Variants in INPP5A observed in about 807,000 individuals in gnomAD.
The protein encoded by INPP5A is 43 kDa inositol polyphosphate 5-phophatase.
A neutral mutation model predicts 65.2 loss-of-function variants in INPP5A; 14 were observed. That is an observed-to-expected ratio of 0.21 (90% CI 0.14 to 0.34). The LOEUF is 0.34. INPP5A is among the 10% of genes least tolerant of loss of function. The probability of loss-of-function intolerance (pLI) is 1.00; values close to 1 mark genes in which losing one functional copy is unlikely to be tolerated. For synonymous variants in INPP5A, 207 were observed against 208.3 expected, an observed-to-expected ratio of 0.99 and a Z score of 0.05; for missense variants, 431 against 545.6, an observed-to-expected ratio of 0.79 and a Z score of 2.09.
chr10:132,617,852 T>C (rs2072061206), intron 2 of INPP5A, among the ~76,000 whole-genome samples: 1 of 152,252 alleles, frequency 6.6e-6, no homozygotes, highest in African/African-American at 2.4e-5. Context: ...AGGTGTGCAG[T>C]CCACAAGTGG....
intron 12 of INPP5A, among the ~76,000 whole-genome samples, chr10:132,774,649 T>A (rs1157281177): frequency 6.6e-6 from 1 of 152,054 alleles, no homozygotes. Flanking sequence ...GCTTGTTGTC[T>A]GCTTCTCGGG....
intron 1 of INPP5A, among the ~76,000 whole-genome samples, chr10:132,588,772 C>T (rs1449980525): frequency 2.6e-5 from 4 of 151,292 alleles, no homozygotes; most frequent in African/African-American, 9.7e-5. Flanking sequence ...CGGTGGTTGC[C>T]GTTTCTTGGA....
Position 132,659,935 on chromosome 10 carries a change from C to T in INPP5A, c.306+9430C>T, listed in dbSNP as rs1159712901. ...CTCCTGACACATGACATGTGACATA[C>T]AACACATGACACGCGGCATACTCCC... On this transcript the variant is annotated intron_variant, in intron 4 of 15. Transcript: ENST00000368594. This position sits in a 1 kb window ranked among gnomAD's most constrained non-coding sequence, Gnocchi z 5.5. Among the ~76,000 whole-genome samples, 2 of 152,262 alleles carry T rather than the reference C, an allele frequency of 1.3e-5. No homozygotes were observed. The highest frequency in any genetic ancestry group is 3.8e-4 in the East Asian group (2 of 5,202).
rs184792262 is a variant in INPP5A, at chr10:132,637,563, C to A, written c.118-8305C>A. Among the ~76,000 whole-genome samples, 4 of 152,208 alleles carry A rather than the reference C, an allele frequency of 2.6e-5. No homozygotes were observed. The East Asian group carries it at 7.7e-4, about 29-fold the overall frequency. ...TTTCTCTCACGCTGTTTTCTCTGTG[C>A]GATTTTGCTTTCTCAGTGGATTTTT... On this transcript the variant is annotated intron_variant, in intron 2 of 15. Coordinates refer to ENST00000368594, the MANE Select transcript of INPP5A (RefSeq NM_005539.5). This position sits in a 1 kb window ranked among gnomAD's most constrained non-coding sequence, Gnocchi z 4.1.
chr10:132,554,849 TGTG>T (rs2071105639), intron 1 of INPP5A, among the ~76,000 whole-genome samples: 8 of 130,354 alleles, frequency 6.1e-5, no homozygotes, highest in Admixed American at 3.2e-4. Flanking sequence ...GTGTGGGTGG[TGTG>T]ATCAATGTGG....
chr10:132,563,960 C>T (rs995593145), intron 1 of INPP5A, among the ~76,000 whole-genome samples: 7 of 152,170 alleles, frequency 4.6e-5, no homozygotes, highest in African/African-American at 1.7e-4. Context: ...CAAAGTCGTC[C>T]TGGTTCATAC....
At chr10:132,655,423 C>T (rs370977615) in intron 4 of INPP5A, among the ~76,000 whole-genome samples, 4 of 152,338 alleles carry the variant, frequency 2.6e-5, no homozygotes, top group East Asian at 1.9e-4. Flanking sequence ...GAGGCTTTCC[C>T]GGGCTGCCAA....
chr10:132,594,449 GT>G (rs2071658552), intron 1 of INPP5A, among the ~76,000 whole-genome samples: 2 of 152,210 alleles, frequency 1.3e-5, no homozygotes, highest in Admixed American at 1.3e-4. Flanking sequence ...GGCCTAGGTG[GT>G]TTTTGAACGT....
chr10:132,777,183 A>G (rs1847079228), intron 12 of INPP5A, among the ~76,000 whole-genome samples: 1 of 152,158 alleles, frequency 6.6e-6, no homozygotes, highest in Non-Finnish European at 1.5e-5. Context: ...CAGCCTGAGC[A>G]CCTGGATGCT....
intron 2 of INPP5A, among the ~76,000 whole-genome samples, chr10:132,634,129 C>T (rs892893839): frequency 4.6e-5 from 7 of 152,252 alleles, no homozygotes; most frequent in African/African-American, 1.7e-4. Context: ...TCTCAGTTGT[C>T]TCATAATTGT....
chr10:132,567,335 G>C (rs1402837652), intron 1 of INPP5A, among the ~76,000 whole-genome samples: 1 of 152,208 alleles, frequency 6.6e-6, no homozygotes, highest in Non-Finnish European at 1.5e-5. Flanking sequence ...TTTTTGAGAT[G>C]GGGGCTCACT....
intron 4 of INPP5A, among the ~76,000 whole-genome samples, chr10:132,654,846 G>A (rs1013998840): frequency 1.3e-5 from 2 of 152,244 alleles, no homozygotes; most frequent in East Asian, 3.9e-4. Context: ...CCTGTGGGGG[G>A]GACGCGGCTG....
In INPP5A at chr10:132,669,713, C is replaced by T. The variant is rs73385106; in HGVS notation, c.306+19208C>T. Among the ~76,000 whole-genome samples the T allele has an allele frequency of 5.7e-3, 861 of 152,274 alleles. 7 individuals carry two copies. The highest frequency in any genetic ancestry group is 0.02 in the African/African-American group (812 of 41,526). On this transcript the variant is annotated intron_variant, in intron 4 of 15. Coordinates refer to ENST00000368594, the MANE Select transcript of INPP5A (RefSeq NM_005539.5). ...GTGCCCCATGGGCAGAGAGGGCGGG[C>T]GCGGTTCGTGCTGGACTCTAGATGT...
rs959717725 is a variant in INPP5A at position 132,550,428 on chromosome 10, G to T, written c.75+12257G>T. Among the ~76,000 whole-genome samples the T allele has an allele frequency of 6.6e-6, 1 of 152,180 alleles. No homozygotes were observed. The highest frequency in any genetic ancestry group is 1.5e-5 in the Non-Finnish European group (1 of 68,026). ...AACTCTGAGGTTCTGCATAGCTAGT[G>T]CCACCTGTGACACTGCTGTCACTCC... On this transcript the variant is annotated intron_variant, in intron 1 of 15. Coordinates refer to ENST00000368594, the MANE Select transcript of INPP5A (RefSeq NM_005539.5). The surrounding 1 kb of genome is among the most constrained non-coding windows in gnomAD (Gnocchi z 4.2).
chr10:132,563,665 T>A (rs750768723), intron 1 of INPP5A, among the ~76,000 whole-genome samples: 1 of 151,576 alleles, frequency 6.6e-6, no homozygotes, highest in African/African-American at 2.4e-5. Context: ...ACAGAAAAAT[T>A]AAAGGAAAGA....
chr10:132,646,916 C>A (rs1178165737), intron 3 of INPP5A, among the ~76,000 whole-genome samples: 1 of 152,198 alleles, frequency 6.6e-6, no homozygotes, highest in Non-Finnish European at 1.5e-5. Context: ...GCAGAGCCGT[C>A]GAGCCCTCCC....
intron 4 of INPP5A, among the ~76,000 whole-genome samples, chr10:132,683,617 A>G (rs529730500): frequency 6.6e-6 from 1 of 152,364 alleles, no homozygotes; most frequent in Admixed American, 6.5e-5. Context: ...GCTCAGTAAC[A>G]CCATGCAGGG....
intron 8 of INPP5A, among the ~76,000 whole-genome samples, chr10:132,718,821 G>A (rs1845798726): frequency 6.7e-6 from 1 of 149,754 alleles, no homozygotes; most frequent in Admixed American, 6.7e-5. Context: ...TGTCTTGCGG[G>A]TTCTGTGGTA....
chr10:132,681,874 C>T (rs1396916598), intron 4 of INPP5A, among the ~76,000 whole-genome samples: 1 of 152,208 alleles, frequency 6.6e-6, no homozygotes, highest in African/African-American at 2.4e-5. Context: ...GAAAGAAATT[C>T]TGGCAAGCAC....
Sources: gnomAD v4.1 joint callset for allele counts (sites outside exome capture counted in the v4.1 genomes callset) on GRCh38, gnomAD v4.1.1 for gene constraint, Gnocchi (gnomAD v3.1) non-coding constraint, MANE v1.5 for transcripts, NCBI Gene and HGNC (gene_info 2026-07-23, HGNC 2026-07-21) for gene names.